Variants in GSK3B observed in about 807,000 individuals in gnomAD.
GSK3B encodes the protein glycogen synthase kinase-3 beta.
A neutral mutation model predicts 56.4 loss-of-function variants in GSK3B; 15 were observed. The observed-to-expected ratio is 0.27, with a 90% CI of 0.18 to 0.41. GSK3B has a LOEUF of 0.41. GSK3B is among the 10% of genes least tolerant of loss of function. The probability of loss-of-function intolerance (pLI) is 1.00; values close to 1 mark genes in which losing one functional copy is unlikely to be tolerated. For missense variants in GSK3B, 300 were observed against 513.4 expected, an observed-to-expected ratio of 0.58 and a Z score of 4.02; for synonymous variants, 181 against 188.9, an observed-to-expected ratio of 0.96 and a Z score of 0.34.
At chr3:119,952,510 A>G (rs1689008849) in intron 2 of GSK3B, among the ~76,000 whole-genome samples, 1 of 149,256 alleles carries the variant, frequency 6.7e-6, no homozygotes, top group Non-Finnish European at 1.5e-5. Context: ...AAAAGAAAAG[A>G]AAGAAAAGAA....
chr3:119,990,079 A>G (rs2057550048), intron 2 of GSK3B, among the ~76,000 whole-genome samples: 1 of 152,206 alleles, frequency 6.6e-6, no homozygotes, highest in African/African-American at 2.4e-5. Flanking sequence ...CTAATGGCTA[A>G]GGTCAGCATG....
chr3:119,963,625 CAAAAAAAAAA>C (rs774359104), intron 2 of GSK3B, among the ~76,000 whole-genome samples: 1 of 79,196 alleles, frequency 1.3e-5, no homozygotes, highest in Non-Finnish European at 2.6e-5. Context: ...TTCTTCCCCA[CAAAAAAAAAA>C]AAAAAAAAAG....
At chr3:119,883,433 C>A (rs1292334749) in intron 7 of GSK3B, among the ~76,000 whole-genome samples, 1 of 149,982 alleles carries the variant, frequency 6.7e-6, no homozygotes, top group Non-Finnish European at 1.5e-5. Flanking sequence ...GAATGGTCCC[C>A]AAAAAAATTA....
intron 1 of GSK3B, among the ~76,000 whole-genome samples, chr3:120,063,808 C>T (rs1267720252): frequency 2.0e-5 from 3 of 149,158 alleles, no homozygotes; most frequent in Non-Finnish European, 4.4e-5. Flanking sequence ...GTCAACGTGG[C>T]GAAACCCCAC....
At chr3:119,970,286 T>C (rs1237826139) in intron 2 of GSK3B, among the ~76,000 whole-genome samples, 1 of 152,144 alleles carries the variant, frequency 6.6e-6, no homozygotes, top group African/African-American at 2.4e-5. Flanking sequence ...GGGTAAAAGA[T>C]TTGAAGAGAA....
intron 7 of GSK3B, among the ~76,000 whole-genome samples, chr3:119,881,333 A>C (rs1057230846): frequency 1.3e-5 from 2 of 152,224 alleles, no homozygotes; most frequent in Non-Finnish European, 2.9e-5. Context: ...CAGATTATCC[A>C]GTTTAACAAA....
At chr3:119,979,720 T>TTATGCA (rs1474633675) in intron 2 of GSK3B, among the ~76,000 whole-genome samples, 1 of 152,230 alleles carries the variant, frequency 6.6e-6, no homozygotes, top group African/African-American at 2.4e-5. Context: ...GTCTTGCAAC[T>TTATGCA]CTTGGTGCAT....
At chr3:119,844,618 A>C (rs1285724664) in intron 9 of GSK3B, among the ~76,000 whole-genome samples, 1 of 152,218 alleles carries the variant, frequency 6.6e-6, no homozygotes, top group Admixed American at 6.5e-5. Flanking sequence ...CACCCTCCCA[A>C]GACTAAACCA....
At position 120,087,463 on chromosome 3, in the gene GSK3B, C is replaced by T. The variant is rs1401917849; in HGVS notation, c.88+5884G>A. Among the ~76,000 whole-genome samples, 4 of 151,388 alleles carry T rather than the reference C, an allele frequency of 2.6e-5. No homozygotes were observed. In the South Asian group the frequency reaches 6.2e-4, roughly 24 times the overall value. The stretch of plus-strand genomic sequence containing the variant: ...AGGAAAATCGCTTGAACCTGGGTGG[C>T]AGAGGTTGCAGTAAGCCCAGATCAC... On this transcript the variant is annotated intron_variant, in intron 1 of 10. Coordinates refer to ENST00000264235, the MANE Select transcript of GSK3B (RefSeq NM_001146156.2).
At chr3:119,919,767 A>G (rs559235059) in intron 4 of GSK3B, among the ~76,000 whole-genome samples, 2 of 152,234 alleles carry the variant, frequency 1.3e-5, no homozygotes, top group East Asian at 1.9e-4. Flanking sequence ...GAGGAAAACA[A>G]TATGTGCATT....
At chr3:120,030,961 A>G (rs552760845) in intron 1 of GSK3B, among the ~76,000 whole-genome samples, 1 of 152,358 alleles carries the variant, frequency 6.6e-6, no homozygotes, top group South Asian at 2.1e-4. Flanking sequence ...TCAATACACT[A>G]TAAAAACTGC....
chr3:119,997,271 T>C (rs1277994828), intron 2 of GSK3B, among the ~76,000 whole-genome samples: 1 of 152,142 alleles, frequency 6.6e-6, no homozygotes, highest in African/African-American at 2.4e-5. Flanking sequence ...AGTGTTCAAA[T>C]GCCTAAAACA....
At chr3:119,877,326 C>T (rs1454877216) in intron 7 of GSK3B, among the ~76,000 whole-genome samples, 2 of 151,998 alleles carry the variant, frequency 1.3e-5, no homozygotes, top group Admixed American at 6.6e-5. Context: ...AAGAGATGTT[C>T]GAGTCCCTTA....
chr3:119,916,100 C>T lies in GSK3B; in HGVS notation c.552G>A (p.Pro184=), dbSNP rs72546694. 2,025 of 1,613,048 alleles carry T rather than the reference C, an allele frequency of 1.3e-3. 6 individuals are homozygous for T. Among genetic ancestry groups the T allele is most frequent in the Non-Finnish European group, 1.6e-3 (1,832 of 1,179,222 alleles). The change falls in exon 5 of 11, where the codon CCG becomes CCA. Residue 184 remains proline (P), a synonymous_variant. Coordinates refer to ENST00000264235, the MANE Select transcript of GSK3B (RefSeq NM_001146156.2). ...SFGICHRDIK[P]QNLLLDPDTA... ...TATCAGGATCCAACAAGAGGTTCTG[C>T]GGTTTAATATCCCGATGGCAGATTC...
At chr3:120,040,617 T>C (rs1387693805) in intron 1 of GSK3B, among the ~76,000 whole-genome samples, 3 of 151,722 alleles carry the variant, frequency 2.0e-5, no homozygotes, top group Non-Finnish European at 4.4e-5. Context: ...ACATGGGAAA[T>C]ACGCCAAGCA....
chr3:119,965,377 A>C (rs1485363692), intron 2 of GSK3B, among the ~76,000 whole-genome samples: 3 of 133,852 alleles, frequency 2.2e-5, no homozygotes, highest in Admixed American at 2.2e-4. Flanking sequence ...TTTTTTTTTT[A>C]TTTTTATAGA....
chr3:119,965,910 T>C (rs1287189261), intron 2 of GSK3B, among the ~76,000 whole-genome samples: 1 of 151,918 alleles, frequency 6.6e-6, no homozygotes, highest in Non-Finnish European at 1.5e-5. Context: ...TTGGTTGTTA[T>C]CTATCATAAA....
chr3:119,951,624 GA>G (rs1553738719), intron 2 of GSK3B, among the ~76,000 whole-genome samples: 5 of 151,816 alleles, frequency 3.3e-5, no homozygotes, highest in Non-Finnish European at 2.9e-5. Flanking sequence ...TGTTCAATTG[GA>G]AAAAAACATT....
At chr3:120,002,262 T>C (rs752008362) in intron 1 of GSK3B, 23 bp from the exon 2 acceptor site, 2 of 1,458,864 alleles carry the variant, frequency 1.4e-6, no homozygotes, top group Admixed American at 2.4e-5. Flanking sequence ...AGGAAATTTT[T>C]TTTTCACGAG....
Sources: allele counts gnomAD v4.1 joint callset (sites outside exome capture counted in the v4.1 genomes callset), GRCh38; gene constraint gnomAD v4.1.1; transcripts MANE v1.5; gene names NCBI Gene and HGNC (gene_info 2026-07-23, HGNC 2026-07-21).